Variants in RBFOX1 observed in about 807,000 individuals in gnomAD.
RBFOX1 encodes the protein RNA binding fox-1 homolog 1, also known as RNA binding protein fox-1 homolog 1.
RBFOX1 carries 8 observed loss-of-function variants against 57.7 expected under a neutral mutation model. That is an observed-to-expected ratio of 0.14 (90% CI 0.08 to 0.25). The LOEUF (loss-of-function observed/expected upper bound fraction) is 0.25, where lower values mean the gene tolerates loss of function less well. Ranked by LOEUF, RBFOX1 falls within the 10% of genes least tolerant of loss-of-function variation. The pLI is 1.00. For synonymous variants in RBFOX1, 326 were observed against 222.4 expected, an observed-to-expected ratio of 1.47 and a Z score of -4.15; for missense variants, 611 against 548.5, an observed-to-expected ratio of 1.11 and a Z score of -1.14.
intron 3 of RBFOX1, among the ~76,000 whole-genome samples, chr16:7,009,877 A>G (rs762441038): frequency 6.6e-6 from 1 of 152,206 alleles, no homozygotes. Flanking sequence ...TTCCTGGGCT[A>G]TTTTGGTGCC....
intron 3 of RBFOX1, among the ~76,000 whole-genome samples, chr16:5,839,932 T>G (rs2056575453): frequency 6.6e-6 from 1 of 152,084 alleles, no homozygotes; most frequent in African/African-American, 2.4e-5. Context: ...GAAACTAAGG[T>G]AGACAAAGAA....
intron 4 of RBFOX1, among the ~76,000 whole-genome samples, chr16:7,059,194 G>A (rs528029642): frequency 5.3e-5 from 8 of 152,188 alleles, no homozygotes; most frequent in East Asian, 1.9e-4. Flanking sequence ...ACCTTCTCCC[G>A]CTGTGTCTCA....
At position 7,096,006 on chromosome 16, in the gene RBFOX1, C is replaced by CT. The variant is rs1375129304; in HGVS notation, c.27+43909dup. Among the ~76,000 whole-genome samples the CT allele has an allele frequency of 6.7e-5, 7 of 104,338 alleles. No individual in the cohort carries two copies. The South Asian group carries it at 1.0e-3, about 15-fold the overall frequency. The allele number at this position is 104,338 out of a possible 152,430, so 68.4% of individuals were successfully genotyped here. ...CCAGCCTGGGCAACAGAGTGAGACT[C>CT]TGTCTCAAAAAAAAAAAAAAAAAGA... On this transcript the variant is annotated intron_variant, in intron 4 of 15. Coordinates refer to ENST00000550418, the MANE Select transcript of RBFOX1 (RefSeq NM_018723.4).
intron 3 of RBFOX1, among the ~76,000 whole-genome samples, chr16:6,758,447 C>T (rs1420396778): frequency 6.6e-6 from 1 of 152,008 alleles, no homozygotes; most frequent in African/African-American, 2.4e-5. Flanking sequence ...ACAATTGAAC[C>T]CAGTTTGTAG....
chr16:5,909,817 C>T (rs888660783), intron 4 of RBFOX1, among the ~76,000 whole-genome samples: 10 of 152,056 alleles, frequency 6.6e-5, no homozygotes, highest in South Asian at 2.1e-4. Context: ...TTTGGGAGAC[C>T]GCGGCGGGCA....
At chr16:7,595,702 C>T (rs2094648330) in intron 8 of RBFOX1, 61 bp downstream of exon 8, 3 of 1,406,202 alleles carry the variant, frequency 2.1e-6, no homozygotes, top group South Asian at 1.5e-5. Flanking sequence ...CACGCTCATT[C>T]GTTGTTCCAG....
chr16:6,373,963 G>T (rs553294947), intron 2 of RBFOX1, among the ~76,000 whole-genome samples: 56 of 152,138 alleles, frequency 3.7e-4, no homozygotes, highest in Non-Finnish European at 6.9e-4. Flanking sequence ...GAACAGGAAT[G>T]GATGATTTAT....
chr16:5,674,334 T>C (rs2050103721), intron 3 of RBFOX1, among the ~76,000 whole-genome samples: 1 of 152,218 alleles, frequency 6.6e-6, no homozygotes, highest in Non-Finnish European at 1.5e-5. Flanking sequence ...ATTTCCTATG[T>C]AATCTCCACT....
At chr16:7,496,879 G>A (rs532990396) in intron 4 of RBFOX1, among the ~76,000 whole-genome samples, 1 of 152,102 alleles carries the variant, frequency 6.6e-6, no homozygotes, top group Non-Finnish European at 1.5e-5. Flanking sequence ...GACACAGAAT[G>A]GACTGAAAAA....
In RBFOX1 at chr16:5,815,531, T is replaced by C. The variant is rs2055602721; in HGVS notation, c.319-51772T>C. Among the ~76,000 whole-genome samples the C allele has an allele frequency of 1.3e-5, 2 of 152,116 alleles. 1 individual carries two copies. Among genetic ancestry groups the C allele is most frequent in the South Asian group, 4.1e-4 (2 of 4,822 alleles). ...ACCAAGAAAAGGTCCAAATTCCGTTTGGACCCCACTCAGAAAGTCCATCTC... is the reference window on the plus strand; with the variant it reads ...ACCAAGAAAAGGTCCAAATTCCGTTCGGACCCCACTCAGAAAGTCCATCTC... On this transcript the variant is annotated intron_variant, in intron 3 of 19. Coordinates refer to the RBFOX1 transcript ENST00000641259.
At chr16:6,163,878 C>T (rs1308712059) in intron 1 of RBFOX1, among the ~76,000 whole-genome samples, 2 of 152,042 alleles carry the variant, frequency 1.3e-5, no homozygotes, top group Non-Finnish European at 2.9e-5. Context: ...AGGTCCAATT[C>T]TTGGTTGTCA....
At chr16:6,571,353 AG>A (rs1413408978) in intron 2 of RBFOX1, among the ~76,000 whole-genome samples, 4 of 152,182 alleles carry the variant, frequency 2.6e-5, no homozygotes, top group Non-Finnish European at 5.9e-5. Flanking sequence ...TCCAGAGAGA[AG>A]GGCACATTTG....
At chr16:7,652,888 A>G (rs2065383926) in intron 11 of RBFOX1, among the ~76,000 whole-genome samples, 1 of 152,186 alleles carries the variant, frequency 6.6e-6, no homozygotes, top group Admixed American at 6.5e-5. Context: ...CAGTGGGAAT[A>G]CTTCAATTAG....
At chr16:6,580,003 G>A (rs2153971379) in intron 2 of RBFOX1, among the ~76,000 whole-genome samples, 1 of 152,102 alleles carries the variant, frequency 6.6e-6, no homozygotes, top group East Asian at 1.9e-4. Context: ...CTGTCGCCCA[G>A]GCTGGAGTGC....
At chr16:5,817,626 A>T (rs1336813832) in intron 3 of RBFOX1, among the ~76,000 whole-genome samples, 2 of 150,642 alleles carry the variant, frequency 1.3e-5, no homozygotes, top group African/African-American at 2.4e-5. Flanking sequence ...GAGAGGGGAG[A>T]GAGAAAGGGG....
At chr16:7,387,360 A>G (rs60104402) in intron 4 of RBFOX1, among the ~76,000 whole-genome samples, 12,370 of 152,234 alleles carry the variant, frequency 0.081, 542 homozygotes, top group East Asian at 0.2. Flanking sequence ...CACACAGCTG[A>G]TAAAGAGAGG....
chr16:7,623,225 G>A (rs1250046888), intron 10 of RBFOX1, among the ~76,000 whole-genome samples: 1 of 152,186 alleles, frequency 6.6e-6, no homozygotes, highest in Non-Finnish European at 1.5e-5. Context: ...CCCGGGTTGG[G>A]TTTTGTGGAA....
At chr16:6,385,567 C>A (rs776954436) in intron 2 of RBFOX1, among the ~76,000 whole-genome samples, 2 of 152,164 alleles carry the variant, frequency 1.3e-5, no homozygotes, top group Non-Finnish European at 2.9e-5. Context: ...ACCATGTTGG[C>A]CAGGCTGGTC....
intron 4 of RBFOX1, among the ~76,000 whole-genome samples, chr16:7,371,472 A>G (rs898259056): frequency 2.6e-5 from 4 of 152,218 alleles, no homozygotes; most frequent in African/African-American, 9.6e-5. Flanking sequence ...ATATATGGCC[A>G]GGTGCGGTGG....
Sources: allele counts gnomAD v4.1 joint callset (sites outside exome capture counted in the v4.1 genomes callset), GRCh38; gene constraint gnomAD v4.1.1; transcripts MANE v1.5; gene names NCBI Gene and HGNC (gene_info 2026-07-23, HGNC 2026-07-21).